The following ADGRL2 variants were observed in gnomAD, a reference collection of about 807,000 sequenced individuals.
The protein encoded by ADGRL2 is adhesion G protein-coupled receptor L2, also known as calcium-independent alpha-latrotoxin receptor 2.
ADGRL2 carries 44 observed loss-of-function variants against 157.4 expected under a neutral mutation model. That is an observed-to-expected ratio of 0.28 (90% confidence interval 0.22 to 0.36). The LOEUF is 0.36. ADGRL2 is among the 10% of genes least tolerant of loss of function. The pLI is 1.00. For synonymous variants in ADGRL2, 585 were observed against 624.7 expected, an observed-to-expected ratio of 0.94 and a Z score of 0.95; for missense variants, 1,510 against 1,768.9, an observed-to-expected ratio of 0.85 and a Z score of 2.63.
chr1:81,512,460 A>T (rs2079097244), intron 2 of ADGRL2, among the ~76,000 whole-genome samples: 1 of 152,148 alleles, frequency 6.6e-6, no homozygotes, highest in East Asian at 1.9e-4. Context: ...AATGCGGCCA[A>T]TGTGCCATAT....
At chr1:81,440,212 T>A (rs60741198) in intron 1 of ADGRL2, among the ~76,000 whole-genome samples, 1,930 of 152,338 alleles carry the variant, frequency 0.013, 31 homozygotes, top group East Asian at 0.04. Context: ...TCTGATGATT[T>A]AACTTGTAGC....
chr1:81,737,197 A>G (rs2084930140), intron 1 of ADGRL2, among the ~76,000 whole-genome samples: 1 of 152,168 alleles, frequency 6.6e-6, no homozygotes, highest in Non-Finnish European at 1.5e-5. Context: ...GTATTAGTCC[A>G]TTCTCACATG....
At chr1:81,753,605 A>G (rs950997082) in intron 1 of ADGRL2, among the ~76,000 whole-genome samples, 2 of 152,174 alleles carry the variant, frequency 1.3e-5, no homozygotes, top group Non-Finnish European at 2.9e-5. Context: ...AAATAGAATA[A>G]TTTTCTTTAA....
chr1:81,760,254 A>G (rs541591832), intron 1 of ADGRL2, among the ~76,000 whole-genome samples: 1 of 152,244 alleles, frequency 6.6e-6, no homozygotes, highest in Non-Finnish European at 1.5e-5. Flanking sequence ...TCATAGAGAA[A>G]TGAAAAGGAA....
At chr1:81,811,887 G>A (rs1366326211) in intron 1 of ADGRL2, among the ~76,000 whole-genome samples, 1 of 150,676 alleles carries the variant, frequency 6.6e-6, no homozygotes, top group Non-Finnish European at 1.5e-5. Context: ...TTTTTTTGGA[G>A]TGGTCTATCA....
intron 1 of ADGRL2, among the ~76,000 whole-genome samples, chr1:81,412,748 A>T (rs895279124): frequency 6.6e-6 from 1 of 152,232 alleles, no homozygotes; most frequent in African/African-American, 2.4e-5. Flanking sequence ...GTATAGATTT[A>T]TTGATGGATG....
At chr1:81,955,779 A>G in intron 10 of ADGRL2, 98 bp from the exon 11 acceptor site, 2 of 715,240 alleles carry the variant, frequency 2.8e-6, no homozygotes, top group South Asian at 4.2e-5. Context: ...GTAAATCATC[A>G]TGACAGATAA....
chr1:81,936,600 A>T, intron 3 of ADGRL2, 128 bp from the exon 4 acceptor site: 1 of 520,376 alleles, frequency 1.9e-6, no homozygotes, highest in Non-Finnish European at 3.4e-6. Flanking sequence ...GAGTAACTTA[A>T]CATCACTTGA....
intron 3 of ADGRL2, among the ~76,000 whole-genome samples, chr1:81,601,883 T>C (rs962170287): frequency 6.6e-6 from 1 of 151,832 alleles, no homozygotes; most frequent in African/African-American, 2.4e-5. Flanking sequence ...AAAGTATATA[T>C]AGGGAGAAGA....
intron 2 of ADGRL2, among the ~76,000 whole-genome samples, chr1:81,887,015 G>A (rs1416472237): frequency 6.6e-6 from 1 of 152,112 alleles, no homozygotes; most frequent in East Asian, 1.9e-4. Context: ...ATATTAAAAA[G>A]TGCCCCCTAT....
intron 1 of ADGRL2, among the ~76,000 whole-genome samples, chr1:81,724,511 T>C (rs1463072151): frequency 6.6e-6 from 1 of 152,138 alleles, no homozygotes; most frequent in Non-Finnish European, 1.5e-5. Flanking sequence ...TTAAATAGTG[T>C]AATCCTACCC....
At chr1:81,536,488 G>C (rs891310475) in intron 2 of ADGRL2, among the ~76,000 whole-genome samples, 3 of 152,152 alleles carry the variant, frequency 2.0e-5, no homozygotes, top group Admixed American at 6.5e-5. Flanking sequence ...AGGAAATGTG[G>C]TCAGCTAAAA....
chr1:81,583,297 G>T lies in ADGRL2; in HGVS notation c.-143+2317G>T, dbSNP rs577389673. ...CTTTTAGTACCTGAAAGGTTATTTTGTTCAAGATCTGAATAAAGGTGGTAG... is the reference window on the plus strand; with the variant it reads ...CTTTTAGTACCTGAAAGGTTATTTTTTTCAAGATCTGAATAAAGGTGGTAG... On this transcript the variant is annotated intron_variant, in intron 3 of 24. Transcript: ENST00000370721. Among the ~76,000 whole-genome samples the T allele has an allele frequency of 2.0e-5, 3 of 152,132 alleles. No individual in the cohort carries two copies. In the East Asian group the frequency reaches 5.8e-4, roughly 29 times the overall value.
intron 3 of ADGRL2, among the ~76,000 whole-genome samples, chr1:81,584,089 C>T (rs2080973976): frequency 6.6e-6 from 1 of 152,118 alleles, no homozygotes; most frequent in African/African-American, 2.4e-5. Flanking sequence ...AGAGTGCCTC[C>T]TTCAGAATTA....
At chr1:81,645,876 T>C (rs1015094093) in intron 3 of ADGRL2, among the ~76,000 whole-genome samples, 20 of 152,158 alleles carry the variant, frequency 1.3e-4, no homozygotes, top group African/African-American at 4.8e-4. Context: ...CATAAGGTAT[T>C]GAGATGAAAT....
At chr1:81,641,803 A>G (rs1261401752) in intron 3 of ADGRL2, among the ~76,000 whole-genome samples, 1 of 152,180 alleles carries the variant, frequency 6.6e-6, no homozygotes, top group Non-Finnish European at 1.5e-5. Flanking sequence ...AATCCAAAGT[A>G]GGCAGAAGAA....
intron 3 of ADGRL2, among the ~76,000 whole-genome samples, chr1:81,908,697 C>T (rs1437510126): frequency 6.6e-6 from 1 of 152,132 alleles, no homozygotes; most frequent in Non-Finnish European, 1.5e-5. Flanking sequence ...AATAGAAGTT[C>T]TTATTTCTCC....
intron 2 of ADGRL2, chr1:81,506,057 CA>C (rs1277048911): frequency 5.9e-6 from 1 of 169,566 alleles, no homozygotes; most frequent in East Asian, 1.6e-4. Flanking sequence ...ATGCAGAGAA[CA>C]AAATGGGCAG....
chr1:81,849,125 A>G lies in ADGRL2; in HGVS notation c.73+12068A>G, dbSNP rs549077581. On this transcript the variant is annotated intron_variant, in intron 2 of 23. Coordinates refer to ENST00000686636, the MANE Select transcript of ADGRL2 (RefSeq NM_001366006.2). ...ATTGTGTGATCTTGCTTTATTTACC[A>G]GAAAGCTTGCCTTTGAGAGCTGTCA... is the stretch of plus-strand genomic sequence containing the variant. Among the ~76,000 whole-genome samples the G allele has an allele frequency of 2.0e-5, 3 of 152,030 alleles. No individual in the cohort carries two copies. The South Asian group carries it at 6.2e-4, about 31-fold the overall frequency.
Sources: gnomAD v4.1 joint callset for allele counts (sites outside exome capture counted in the v4.1 genomes callset) on GRCh38, gnomAD v4.1.1 for gene constraint, MANE v1.5 for transcripts, NCBI Gene and HGNC (gene_info 2026-07-23, HGNC 2026-07-21) for gene names.